Variants in RPGRIP1L observed in about 807,000 individuals in gnomAD.
RPGRIP1L encodes RPGRIP1 like.
A neutral mutation model predicts 160.4 loss-of-function variants in RPGRIP1L; 131 were observed. The observed-to-expected ratio is 0.82, with a 90% CI of 0.71 to 0.94. The LOEUF (loss-of-function observed/expected upper bound fraction) is 0.94, where lower values mean the gene tolerates loss of function less well. RPGRIP1L is among the 40% of genes least tolerant of loss of function. RPGRIP1L has a pLI of 0.00. For synonymous variants in RPGRIP1L, 510 were observed against 515.8 expected, an observed-to-expected ratio of 0.99 and a Z score of 0.15; for missense variants, 1,522 against 1,535.8, an observed-to-expected ratio of 0.99 and a Z score of 0.15.
chr16:53,602,088 G>C lies in RPGRIP1L; in HGVS notation c.3936C>G (p.Asp1312Glu). Residue 1312 changes from aspartate to glutamate, a missense_variant, in exon 27 of 27, where the codon GAC becomes GAG. By Grantham distance (45) the Asp-to-Glu change is conservative. Transcript: ENST00000647211. Reference protein sequence around the residue: ...LQSVYKQYRDDLEA With the variant: ...LQSVYKQYRDELEA ...GGAGCATTTGCTTTCAAGCCTCCAAGTCATCTCTGTATTGCTTGTAGACAG... is the reference window on the plus strand; with the variant it reads ...GGAGCATTTGCTTTCAAGCCTCCAACTCATCTCTGTATTGCTTGTAGACAG... The C allele has an allele frequency of 2.5e-6, 4 of 1,608,642 alleles. No homozygotes were observed. The highest frequency in any genetic ancestry group is 2.6e-6 in the Non-Finnish European group (3 of 1,175,402).
chr16:53,677,484 C>T (rs1172541138), intron 6 of RPGRIP1L, among the ~76,000 whole-genome samples: 2 of 151,882 alleles, frequency 1.3e-5, no homozygotes, highest in East Asian at 3.9e-4. Context: ...ATCTGTTAAA[C>T]TAAAAGTGCT....
rs545236913 is a variant in RPGRIP1L, at chr16:53,688,567, C to A, written c.530-602G>T. 7.9e-5 allele frequency among the ~76,000 whole-genome samples: 12 copies of A among 151,780 alleles called. No individual in the cohort carries two copies. The East Asian group carries it at 2.3e-3, about 29-fold the overall frequency. ...TCTGTAGAATTTTACAAAGACAGTC[C>A]CATTGTTTAAAATAAGGCATATTCT... is the stretch of plus-strand genomic sequence containing the variant. On this transcript the variant is annotated intron_variant, in intron 4 of 26. Transcript: ENST00000647211.
chr16:53,658,737 C>CT, intron 11 of RPGRIP1L, 35 bp downstream of exon 11: 1 of 1,390,160 alleles, frequency 7.2e-7, no homozygotes, highest in Non-Finnish European at 1.0e-6. Flanking sequence ...GATAAAAATT[C>CT]TGAGTTTTAT....
At chr16:53,654,505 A>C (rs190066333) in intron 14 of RPGRIP1L, among the ~76,000 whole-genome samples, 1 of 152,312 alleles carries the variant, frequency 6.6e-6, no homozygotes, top group African/African-American at 2.4e-5. Flanking sequence ...TCTTGCCTGA[A>C]TCTTGAGGTA....
intron 10 of RPGRIP1L, chr16:53,660,007 AT>A (rs1967637991): frequency 6.6e-6 from 1 of 152,200 alleles, no homozygotes; most frequent in South Asian, 2.1e-4. Context: ...CTCAGTTGCT[AT>A]GACCCACAAG....
intron 25 of RPGRIP1L, among the ~76,000 whole-genome samples, chr16:53,610,453 G>A (rs1963957009): frequency 6.6e-6 from 1 of 152,132 alleles, no homozygotes; most frequent in Non-Finnish European, 1.5e-5. Context: ...AACACTCACT[G>A]TGTGCTATGT....
At chr16:53,646,064 G>T in intron 16 of RPGRIP1L, 61 bp from the exon 17 acceptor site, 1 of 1,465,148 alleles carries the variant, frequency 6.8e-7, no homozygotes, top group Non-Finnish European at 9.5e-7. Context: ...AACAGCAGCT[G>T]CCAAGCCCCA....
chr16:53,667,256 G>A (rs1050791991), intron 9 of RPGRIP1L, among the ~76,000 whole-genome samples: 3 of 152,170 alleles, frequency 2.0e-5, no homozygotes, highest in Non-Finnish European at 4.4e-5. Flanking sequence ...ATGTCCACTG[G>A]CAGACATGGG....
At chr16:53,688,732 C>T (rs965080922) in intron 4 of RPGRIP1L, among the ~76,000 whole-genome samples, 7 of 151,776 alleles carry the variant, frequency 4.6e-5, no homozygotes, top group African/African-American at 9.7e-5. Context: ...ACTTTTTAAA[C>T]GTGAGATTTC....
At position 53,696,180 on chromosome 16, in the gene RPGRIP1L, A is replaced by G. The variant is rs762755851; in HGVS notation, c.201T>C (p.His67=). 1.4e-5 allele frequency: 23 copies of G among 1,613,918 alleles called. 1 individual carries two copies. In the South Asian group the frequency reaches 2.4e-4, roughly 17 times the overall value. The change falls in exon 3 of 27, where the codon CAT becomes CAC. Residue 67 remains histidine (H), a synonymous_variant. Transcript: ENST00000647211. ...LHDENILLKQ[H]ARKQEDKIKR... ...TAATTTTATCCTCCTGCTTGCGGGC[A>G]TGCTGTTTAAGTAAAATGTTCTCAT...
intron 2 of RPGRIP1L, among the ~76,000 whole-genome samples, chr16:53,698,547 G>A (rs1289491013): frequency 6.9e-6 from 1 of 145,160 alleles, no homozygotes; most frequent in Non-Finnish European, 1.5e-5. Context: ...GAGGTGGAGG[G>A]GTCAGCCCCC....
chr16:53,615,457 T>C lies in RPGRIP1L; in HGVS notation c.3616+3568A>G, dbSNP rs1235558985. On this transcript the variant is annotated intron_variant, in intron 24 of 26. Transcript: ENST00000647211. ...CAGTGTTGGTATTTCTAAGAATATA[T>C]ATATATATATATATATTTTTTTTTT... Among the ~76,000 whole-genome samples the C allele has an allele frequency of 6.0e-5, 5 of 83,348 alleles. No homozygotes were observed. In the East Asian group the frequency reaches 1.8e-3, roughly 31 times the overall value. The allele number at this position is 83,348 out of a possible 152,430, so 54.7% of individuals were successfully genotyped here. A position where few individuals can be genotyped will look rare whatever the true frequency, so the allele number is the denominator to read the frequency against.
chr16:53,648,791 G>GA (rs1281712645), intron 16 of RPGRIP1L, among the ~76,000 whole-genome samples, 173 bp downstream of exon 16: 1 of 151,210 alleles, frequency 6.6e-6, no homozygotes, highest in Non-Finnish European at 1.5e-5. Context: ...GGTTACAGGG[G>GA]ATCTCTTTGT....
intron 15 of RPGRIP1L, among the ~76,000 whole-genome samples, chr16:53,650,485 A>G (rs1966844344): frequency 6.6e-6 from 1 of 152,136 alleles, no homozygotes; most frequent in Admixed American, 6.5e-5. Context: ...GCACTTTGGG[A>G]GACTGAAGTG....
intron 22 of RPGRIP1L, among the ~76,000 whole-genome samples, chr16:53,625,143 G>C (rs1358579666): frequency 6.6e-6 from 1 of 152,184 alleles, no homozygotes; most frequent in Non-Finnish European, 1.5e-5. Flanking sequence ...GCCTGCCTTG[G>C]CCTCCCAAAG....
intron 24 of RPGRIP1L, among the ~76,000 whole-genome samples, chr16:53,617,325 C>T (rs1954454924): frequency 6.6e-6 from 1 of 152,072 alleles, no homozygotes. Context: ...TACTCCTGAC[C>T]TTTACAAAGA....
At chr16:53,647,253 A>G (rs1280292288) in intron 16 of RPGRIP1L, among the ~76,000 whole-genome samples, 1 of 152,250 alleles carries the variant, frequency 6.6e-6, no homozygotes, top group Non-Finnish European at 1.5e-5. Context: ...TCTTTAACTG[A>G]AAGTCATAGA....
intron 22 of RPGRIP1L, among the ~76,000 whole-genome samples, chr16:53,624,352 A>G (rs1211096914): frequency 2.0e-5 from 3 of 152,082 alleles, no homozygotes; most frequent in African/African-American, 4.8e-5. Flanking sequence ...GGAGATCGAG[A>G]CCATCCTGGC....
chr16:53,627,440 C>G (rs1229092454), intron 22 of RPGRIP1L, among the ~76,000 whole-genome samples: 1 of 152,188 alleles, frequency 6.6e-6, no homozygotes, highest in Non-Finnish European at 1.5e-5. Context: ...AGTCAGCCAT[C>G]TCAAACAGAT....
Sources: gnomAD v4.1 joint callset for allele counts (sites outside exome capture counted in the v4.1 genomes callset) on GRCh38, gnomAD v4.1.1 for gene constraint, MANE v1.5 for transcripts, NCBI Gene and HGNC (gene_info 2026-07-23, HGNC 2026-07-21) for gene names.